The following ATG5 variants were observed in gnomAD, a reference collection of about 807,000 sequenced individuals.
ATG5 encodes autophagy protein 5.
In ATG5, 14 loss-of-function variants were observed where a neutral mutation model predicts 36.5. The ratio of observed to expected loss-of-function variants is 0.38; its 90% CI spans 0.25 to 0.60. ATG5 has a LOEUF of 0.60. Among genes scored for constraint, ATG5 ranks in the 20% least tolerant of loss-of-function variants. The probability of loss-of-function intolerance (pLI) is 0.60; values close to 1 mark genes in which losing one functional copy is unlikely to be tolerated. For missense variants in ATG5, 195 were observed against 326.7 expected, an observed-to-expected ratio of 0.60 and a Z score of 3.11; for synonymous variants, 95 against 101.5, an observed-to-expected ratio of 0.94 and a Z score of 0.38.
At chr6:106,192,100 A>T (rs1775985872) in intron 7 of ATG5, among the ~76,000 whole-genome samples, 2 of 152,120 alleles carry the variant, frequency 1.3e-5, no homozygotes. Flanking sequence ...AGTATTAGAA[A>T]CCTTCACGTT....
At chr6:106,268,574 A>AAT (rs1466818680) in intron 5 of ATG5, among the ~76,000 whole-genome samples, 1 of 152,164 alleles carries the variant, frequency 6.6e-6, no homozygotes, top group Non-Finnish European at 1.5e-5. Flanking sequence ...GACACATGCA[A>AAT]ATGTATGTTT....
chr6:106,270,070 G>A (rs1351440910), intron 5 of ATG5, among the ~76,000 whole-genome samples: 2 of 152,180 alleles, frequency 1.3e-5, no homozygotes, highest in African/African-American at 4.8e-5. Context: ...ACTGTAGAAG[G>A]CTATAGTCCA....
At chr6:106,221,811 G>T (rs777596224) in intron 6 of ATG5, among the ~76,000 whole-genome samples, 14 of 152,036 alleles carry the variant, frequency 9.2e-5, no homozygotes, top group Non-Finnish European at 1.5e-4. Flanking sequence ...TCATAAAAAG[G>T]TGAGGATGAG....
chr6:106,258,771 C>T lies in ATG5; in HGVS notation c.479-10527G>A, dbSNP rs117827198. 2.1e-3 allele frequency among the ~76,000 whole-genome samples: 316 copies of T among 152,260 alleles called. 10 individuals are homozygous for T. The East Asian group carries it at 0.055, about 26-fold the overall frequency. On this transcript the variant is annotated intron_variant, in intron 5 of 7. Coordinates refer to ENST00000369076, the MANE Select transcript of ATG5 (RefSeq NM_004849.4). The stretch of plus-strand genomic sequence containing the variant: ...TAACTTATGACTGAGATCTGGGAAA[C>T]TATTAATGAATGGCATGTTCATATT...
rs1778597763 is a variant in ATG5 at position 106,251,731 on chromosome 6, GAAAGAAAGAAAGAAAAGAAAGAAAGAA to G, written c.479-3514_479-3488del. ...AAAAAGAAAGAAAGAAAGAGAAAGA[GAAAGAAAGAAAGAAAAGAAAGAAAGAA>G]AAAGAAAAGAAGAAAAGAAAAGGAG... On this transcript the variant is annotated intron_variant, in intron 5 of 7. Transcript: ENST00000369076. Among the ~76,000 whole-genome samples the G allele has an allele frequency of 1.4e-5, 2 of 147,936 alleles. 1 individual carries two copies. The highest frequency in any genetic ancestry group is 4.4e-4 in the South Asian group (2 of 4,574).
At chr6:106,268,571 G>C (rs1779315878) in intron 5 of ATG5, among the ~76,000 whole-genome samples, 1 of 152,086 alleles carries the variant, frequency 6.6e-6, no homozygotes, top group African/African-American at 2.4e-5. Context: ...AAAGACACAT[G>C]CAAATGTATG....
At chr6:106,266,056 C>A (rs1012673553) in intron 5 of ATG5, among the ~76,000 whole-genome samples, 2 of 151,636 alleles carry the variant, frequency 1.3e-5, no homozygotes, top group Admixed American at 1.3e-4. Flanking sequence ...ATCAATGAAT[C>A]CAGCAGCTGG....
At chr6:106,255,341 A>G (rs1778759912) in intron 5 of ATG5, among the ~76,000 whole-genome samples, 1 of 152,248 alleles carries the variant, frequency 6.6e-6, no homozygotes, top group Non-Finnish European at 1.5e-5. Context: ...TGAGAGGTTC[A>G]CAATTGCTAC....
rs1384045840 is a variant in ATG5 at position 106,279,662 on chromosome 6, A to G, written c.477T>C (p.Asn159=). The part of the protein sequence containing the change: ...DHKQLWMGLQ[N]DRFDQFWAIN... ...AAAATTAAACACTATTATACTTACC[A>G]TTTTGCAATCCCATCCAGAGTTGCT... The change falls in exon 5 of 8, where the codon AAT becomes AAC. Residue 159 remains asparagine, a splice_region_variant and synonymous_variant. Transcript: ENST00000369076. The G allele has an allele frequency of 1.3e-6, 2 of 1,588,824 alleles. No individual in the cohort carries two copies. Among genetic ancestry groups the G allele is most frequent in the East Asian group, 2.2e-5 (1 of 44,498 alleles).
intron 5 of ATG5, among the ~76,000 whole-genome samples, chr6:106,272,035 C>T (rs569357620): frequency 6.6e-6 from 1 of 152,262 alleles, no homozygotes; most frequent in African/African-American, 2.4e-5. Context: ...CTTCCCTGAC[C>T]ATCCTATTTA....
chr6:106,289,935 A>G (rs559468934), intron 4 of ATG5, among the ~76,000 whole-genome samples: 1 of 152,304 alleles, frequency 6.6e-6, no homozygotes, highest in South Asian at 2.1e-4. Flanking sequence ...GCTCACAAAG[A>G]TATGTAGTTT....
intron 7 of ATG5, among the ~76,000 whole-genome samples, chr6:106,188,400 A>G (rs1775851020): frequency 6.6e-6 from 1 of 152,154 alleles, no homozygotes; most frequent in East Asian, 1.9e-4. Context: ...ATAGTGGTGT[A>G]AGAGTAAAAG....
At chr6:106,230,895 A>G (rs1302555910) in intron 6 of ATG5, among the ~76,000 whole-genome samples, 1 of 152,198 alleles carries the variant, frequency 6.6e-6, no homozygotes, top group East Asian at 1.9e-4. Flanking sequence ...GAAGTGTCAT[A>G]CGTACAAACT....
intron 6 of ATG5, among the ~76,000 whole-genome samples, chr6:106,234,645 T>TGA (rs1271775433): frequency 1.3e-5 from 2 of 152,236 alleles, no homozygotes; most frequent in African/African-American, 4.8e-5. Flanking sequence ...CTCTCATTCT[T>TGA]AGTGCCCCCA....
intron 6 of ATG5, among the ~76,000 whole-genome samples, chr6:106,221,545 G>A (rs1454343188): frequency 6.6e-5 from 10 of 151,850 alleles, no homozygotes; most frequent in African/African-American, 7.3e-5. Flanking sequence ...AATTAGCTGC[G>A]CCTGGTGGTG....
chr6:106,307,879 G>A (rs947259241), intron 3 of ATG5, among the ~76,000 whole-genome samples: 10 of 151,988 alleles, frequency 6.6e-5, no homozygotes, highest in Admixed American at 4.6e-4. Flanking sequence ...TATTTTTCAC[G>A]TAAAAAGGAA....
At chr6:106,278,011 C>CATG (rs2114597223) in intron 5 of ATG5, among the ~76,000 whole-genome samples, 2 of 152,180 alleles carry the variant, frequency 1.3e-5, no homozygotes, top group South Asian at 4.1e-4. Context: ...GTGGCACAAT[C>CATG]ATGGCTCACT....
At chr6:106,237,480 G>A (rs1777948520) in intron 6 of ATG5, among the ~76,000 whole-genome samples, 1 of 152,102 alleles carries the variant, frequency 6.6e-6, no homozygotes, top group South Asian at 2.1e-4. Context: ...TTGCTTACCG[G>A]CTGGCTGTCC....
chr6:106,315,646 G>A (rs1770817564), intron 2 of ATG5, among the ~76,000 whole-genome samples: 1 of 151,972 alleles, frequency 6.6e-6, no homozygotes, highest in Admixed American at 6.6e-5. Flanking sequence ...TGTTCTTTAA[G>A]CTATAAAAAC....
Sources: gnomAD v4.1 joint callset for allele counts (sites outside exome capture counted in the v4.1 genomes callset) on GRCh38, gnomAD v4.1.1 for gene constraint, MANE v1.5 for transcripts, NCBI Gene and HGNC (gene_info 2026-07-23, HGNC 2026-07-21) for gene names.